Variants in PUS3 observed in about 807,000 individuals in gnomAD.
The protein encoded by PUS3 is tRNA pseudouridine(38/39) synthase.
Under a neutral mutation model 43.3 loss-of-function variants are expected in PUS3, and 36 were observed. The ratio of observed to expected loss-of-function variants is 0.83; its 90% CI spans 0.64 to 1.10. The LOEUF is 1.10. PUS3 is among the 50% of genes least tolerant of loss of function. The pLI is 0.00. For synonymous variants in PUS3, 183 were observed against 199.2 expected (o/e 0.92, Z 0.69); for missense variants, 544 against 589.9 (o/e 0.92, Z 0.81).
intron 1 of PUS3, chr11:125,900,186 C>G: frequency 6.2e-7 from 1 of 1,614,158 alleles, no homozygotes; most frequent in Non-Finnish European, 8.5e-7. Flanking sequence ...AAGAAAAGGT[C>G]TGCACTCCGT....
At chr11:125,902,148 C>T (rs1475005903) in intron 1 of PUS3, among the ~76,000 whole-genome samples, 1 of 152,022 alleles carries the variant, frequency 6.6e-6, no homozygotes, top group Non-Finnish European at 1.5e-5. Flanking sequence ...GTGCTTTTTC[C>T]AGCACACCTT....
chr11:125,901,504 A>G (rs763767509), intron 1 of PUS3, among the ~76,000 whole-genome samples: 4 of 152,230 alleles, frequency 2.6e-5, no homozygotes, highest in Non-Finnish European at 5.9e-5. Flanking sequence ...TTTTAACACC[A>G]GAGGCCAGAA....
At chr11:125,900,002 C>G in intron 1 of PUS3, 2 of 1,614,184 alleles carry the variant, frequency 1.2e-6, no homozygotes, top group Non-Finnish European at 1.7e-6. Flanking sequence ...CAAGACAGAC[C>G]GGGTAGCCCG....
At chr11:125,894,566 C>T (rs1944516773) in intron 3 of PUS3, among the ~76,000 whole-genome samples, 1 of 152,122 alleles carries the variant, frequency 6.6e-6, no homozygotes, top group South Asian at 2.1e-4. Context: ...TTAAAAACAG[C>T]TGGTATTTTT....
At chr11:125,898,305 A>G (rs1944651859) in intron 1 of PUS3, among the ~76,000 whole-genome samples, 1 of 152,208 alleles carries the variant, frequency 6.6e-6, no homozygotes, top group Non-Finnish European at 1.5e-5. Context: ...GGAAACTAGC[A>G]TTGGGTATGT....
intron 1 of PUS3, 77 bp downstream of exon 1, chr11:125,903,093 C>T: frequency 1.5e-6 from 1 of 684,380 alleles, no homozygotes; most frequent in East Asian, 1.3e-4. Flanking sequence ...CAACAGACAA[C>T]CGTTCAGCAG....
intron 1 of PUS3, among the ~76,000 whole-genome samples, chr11:125,898,302 A>G (rs1944651611): frequency 6.6e-6 from 1 of 152,222 alleles, no homozygotes; most frequent in African/African-American, 2.4e-5. Context: ...TCAGGAAACT[A>G]GCATTGGGTA....
rs373197931 is a variant in PUS3, at chr11:125,899,359, A to C, written c.-46-3029T>G. On this transcript the variant is annotated intron_variant, in intron 1 of 3. Transcript: ENST00000227474. The stretch of plus-strand genomic sequence containing the variant: ...TCTCTTGCAGAAGGTCCTACAGTGT[A>C]GGGGAAGCAATGGAAGAACTTCTAC... 42 of 1,613,442 alleles carry C rather than the reference A, an allele frequency of 2.6e-5. No homozygotes were observed. The African/African-American group carries it at 5.3e-4, about 21-fold the overall frequency.
At chr11:125,901,103 A>C (rs1944762035) in intron 1 of PUS3, among the ~76,000 whole-genome samples, 1 of 151,668 alleles carries the variant, frequency 6.6e-6, no homozygotes, top group African/African-American at 2.4e-5. Context: ...CTCATTACTA[A>C]AGGTGTACAA....
intron 1 of PUS3, among the ~76,000 whole-genome samples, chr11:125,897,225 A>G (rs1048137356): frequency 3.9e-5 from 6 of 152,198 alleles, no homozygotes; most frequent in South Asian, 4.1e-4. Flanking sequence ...GTTTTTTACT[A>G]TGAGTTTCTG....
In PUS3 at chr11:125,895,692, C is replaced by A. The variant is rs113575767; in HGVS notation, c.476G>T (p.Arg159Leu). The A allele has an allele frequency of 1.9e-6, 3 of 1,614,106 alleles. No individual in the cohort carries two copies. In the Admixed American group the frequency reaches 5.0e-5, roughly 27 times the overall value. The change falls in exon 3 of 4, where the codon CGT becomes CTT. Residue 159 changes from arginine to leucine, a missense_variant. Coordinates refer to ENST00000227474, the MANE Select transcript of PUS3 (RefSeq NM_031307.4). ...TACCCGATTGAGAATGTGGGTATAA[C>A]GGATCTCTTCAGCAGCAGCATTAGC... Reference protein sequence around the residue: ...EEANAAAEEIRYTHILNRVLP... With the variant: ...EEANAAAEEILYTHILNRVLP...
chr11:125,894,364 C>T (rs535761845), intron 3 of PUS3, 78 bp from the exon 4 acceptor site: 24 of 1,236,940 alleles, frequency 1.9e-5, no homozygotes, highest in South Asian at 8.7e-5. Context: ...GGGTTAGTTG[C>T]GTTAAGGGAG....
rs778410876 is a variant in PUS3 at position 125,900,161 on chromosome 11, C to T, written c.-47+3009G>A. The T allele has an allele frequency of 2.5e-6, 4 of 1,614,196 alleles. No individual in the cohort carries two copies. The Admixed American group carries it at 5.0e-5, about 20-fold the overall frequency. Reference sequence around the variant, plus strand: ...GCATATATATGTCCCAAACAATTATCTAGTACCAACAGAGAAGAAAAGGTC... The same window carrying T: ...GCATATATATGTCCCAAACAATTATTTAGTACCAACAGAGAAGAAAAGGTC... On this transcript the variant is annotated intron_variant, in intron 1 of 3. Transcript: ENST00000227474.
At chr11:125,898,098 A>T (rs771110535) in intron 1 of PUS3, among the ~76,000 whole-genome samples, 3 of 151,380 alleles carry the variant, frequency 2.0e-5, no homozygotes, top group South Asian at 4.2e-4. Flanking sequence ...TTACGGTATT[A>T]AAAAAAAATG....
chr11:125,895,684 G>A lies in PUS3; in HGVS notation c.484C>T (p.His162Tyr). Residue 162 changes from histidine to tyrosine, a missense_variant, in exon 3 of 4, where the codon CAC becomes TAC. His to Tyr is a moderately conservative substitution (Grantham distance 83). Coordinates refer to ENST00000227474, the MANE Select transcript of PUS3 (RefSeq NM_031307.4). ...NAAAEEIRYTHILNRVLPPDI... is the reference protein window; with the variant it reads ...NAAAEEIRYTYILNRVLPPDI... ...GGAGGGAGTACCCGATTGAGAATGT[G>A]GGTATAACGGATCTCTTCAGCAGCA... The A allele has an allele frequency of 6.2e-7, 1 of 1,614,090 alleles. No individual in the cohort carries two copies. The highest frequency in any genetic ancestry group is 8.5e-7 in the Non-Finnish European group (1 of 1,179,994).
rs756816369 is a variant in PUS3 at position 125,894,249 on chromosome 11, T to TA, written c.981dup (p.Lys328Ter). 6.2e-7 allele frequency: 1 copy of TA among 1,612,446 alleles called. No individual in the cohort carries two copies. The highest frequency in any genetic ancestry group is 8.5e-7 in the Non-Finnish European group (1 of 1,178,656). On this transcript the variant is annotated frameshift_variant, in exon 4 of 4. Coordinates refer to ENST00000227474, the MANE Select transcript of PUS3 (RefSeq NM_031307.4). LOFTEE classifies it high-confidence loss of function. Reference sequence around the variant, plus strand: ...TAGATCCACTTGACATTTTCAAACTTACAGTCATATAAGACTAGAGGAAAT... The same window carrying TA: ...TAGATCCACTTGACATTTTCAAACTTAACAGTCATATAAGACTAGAGGAAAT...
intron 3 of PUS3, among the ~76,000 whole-genome samples, 188 bp downstream of exon 3, chr11:125,895,036 G>A (rs1457898556): frequency 6.6e-6 from 1 of 151,434 alleles, no homozygotes; most frequent in Non-Finnish European, 1.5e-5. Context: ...CGGTGGAGAG[G>A]AGGATATGCT....
At chr11:125,896,378 G>C (rs1344322238) in intron 1 of PUS3, 48 bp from the exon 2 acceptor site, 1 of 1,221,894 alleles carries the variant, frequency 8.2e-7, no homozygotes, top group East Asian at 2.3e-5. Context: ...TAGTTCCTTT[G>C]ATGATGTTCT....
chr11:125,896,411 A>G, intron 1 of PUS3, 81 bp from the exon 2 acceptor site: 1 of 959,092 alleles, frequency 1.0e-6, no homozygotes, highest in Non-Finnish European at 1.5e-6. Flanking sequence ...GATTTAATTT[A>G]ATGCCCAAAG....
Sources: allele counts gnomAD v4.1 joint callset (sites outside exome capture counted in the v4.1 genomes callset), GRCh38; gene constraint gnomAD v4.1.1; transcripts MANE v1.5; gene names NCBI Gene and HGNC (gene_info 2026-07-23, HGNC 2026-07-21).